The following KHDRBS2 variants were observed in gnomAD, a reference collection of about 807,000 sequenced individuals.
KHDRBS2 encodes KH RNA binding domain containing, signal transduction associated 2, also known as KH domain-containing, RNA-binding, signal transduction-associated protein 2.
KHDRBS2 carries 26 observed loss-of-function variants against 44.3 expected under a neutral mutation model. That is an observed-to-expected ratio of 0.59 (90% confidence interval 0.43 to 0.81). The LOEUF (loss-of-function observed/expected upper bound fraction) is 0.81. KHDRBS2 is among the 40% of genes least tolerant of loss of function. KHDRBS2 has a pLI of 0.00. For synonymous variants in KHDRBS2, 194 were observed against 151.1 expected (o/e 1.28, Z -2.08); for missense variants, 476 against 433.1 (o/e 1.10, Z -0.88).
intron 3 of KHDRBS2, among the ~76,000 whole-genome samples, chr6:61,990,516 A>G (rs1775925972): frequency 6.6e-6 from 1 of 152,146 alleles, no homozygotes; most frequent in Non-Finnish European, 1.5e-5. Context: ...AAAACAAACA[A>G]GAGCTCATAC....
At chr6:62,119,018 C>G (rs1320072994) in intron 2 of KHDRBS2, among the ~76,000 whole-genome samples, 1 of 152,120 alleles carries the variant, frequency 6.6e-6, no homozygotes, top group African/African-American at 2.4e-5. Flanking sequence ...TGGTTTTGTA[C>G]CTCTAGAGAA....
chr6:61,753,371 G>C (rs1778021676), intron 6 of KHDRBS2, among the ~76,000 whole-genome samples: 1 of 152,126 alleles, frequency 6.6e-6, no homozygotes, highest in Non-Finnish European at 1.5e-5. Context: ...TAGGTCACAG[G>C]ACTTGACCGG....
chr6:61,612,463 C>G, the KHDRBS2 span, among the ~76,000 whole-genome samples: 1 of 152,192 alleles, frequency 6.6e-6, no homozygotes, highest in Non-Finnish European at 1.5e-5. Flanking sequence ...GTTATTTAAA[C>G]TCCTCATGTC....
intron 6 of KHDRBS2, among the ~76,000 whole-genome samples, chr6:61,757,485 T>C (rs1778662849): frequency 1.3e-5 from 2 of 152,178 alleles, no homozygotes; most frequent in Non-Finnish European, 2.9e-5. Context: ...AAATGTGTTT[T>C]TTGTAGGCTG....
At chr6:61,757,435 T>C (rs945073246) in intron 6 of KHDRBS2, among the ~76,000 whole-genome samples, 9 of 152,204 alleles carry the variant, frequency 5.9e-5, no homozygotes, top group Non-Finnish European at 1.2e-4. Flanking sequence ...GTATACTTTT[T>C]TGCATCCTTT....
chr6:61,590,185 G>A, the KHDRBS2 span, among the ~76,000 whole-genome samples: 1 of 152,052 alleles, frequency 6.6e-6, no homozygotes, highest in Non-Finnish European at 1.5e-5. Context: ...CTGGGATCTT[G>A]AAAAATAAGT....
intron 1 of KHDRBS2, among the ~76,000 whole-genome samples, chr6:62,231,230 A>G (rs1208023702): frequency 6.6e-6 from 1 of 152,182 alleles, no homozygotes; most frequent in Non-Finnish European, 1.5e-5. Context: ...ATAAAGAAAG[A>G]CCCAAGGCTG....
intron 2 of KHDRBS2, among the ~76,000 whole-genome samples, chr6:62,116,919 G>A (rs1373524226): frequency 6.6e-6 from 1 of 152,050 alleles, no homozygotes; most frequent in African/African-American, 2.4e-5. Context: ...CCAGTGATGG[G>A]ATTTCACTCT....
At chr6:61,819,338 A>C (rs1036495211) in intron 6 of KHDRBS2, among the ~76,000 whole-genome samples, 40 of 152,054 alleles carry the variant, frequency 2.6e-4, no homozygotes, top group African/African-American at 9.4e-4. Context: ...ATTTCTCAAA[A>C]TATTTTCAAA....
chr6:61,802,419 G>A (rs1786426610), intron 6 of KHDRBS2, among the ~76,000 whole-genome samples: 1 of 152,082 alleles, frequency 6.6e-6, no homozygotes, highest in African/African-American at 2.4e-5. Context: ...GAATCTTAAG[G>A]GCTTTTGCTC....
At chr6:62,216,221 A>G (rs1400235733) in intron 1 of KHDRBS2, among the ~76,000 whole-genome samples, 1 of 151,760 alleles carries the variant, frequency 6.6e-6, no homozygotes, top group Admixed American at 6.6e-5. Context: ...GCTTTCAAGG[A>G]TTAGAATCAC....
At chr6:61,557,469 G>A in the KHDRBS2 span, among the ~76,000 whole-genome samples, 2 of 152,114 alleles carry the variant, frequency 1.3e-5, no homozygotes, top group Non-Finnish European at 2.9e-5. Context: ...CATTGTGAAT[G>A]GTAGGACACT....
chr6:62,090,525 C>T (rs1261182258), intron 2 of KHDRBS2, among the ~76,000 whole-genome samples: 1 of 151,850 alleles, frequency 6.6e-6, no homozygotes, highest in Non-Finnish European at 1.5e-5. Flanking sequence ...CAATTCTCTA[C>T]CTCCCAATAA....
At chr6:62,108,502 C>G (rs1804100565) in intron 2 of KHDRBS2, among the ~76,000 whole-genome samples, 1 of 152,100 alleles carries the variant, frequency 6.6e-6, no homozygotes, top group African/African-American at 2.4e-5. Flanking sequence ...GTTGGTGGGA[C>G]TGTAAACTAG....
chr6:61,848,577 A>ATATATATATG (rs1794972806), intron 6 of KHDRBS2, among the ~76,000 whole-genome samples: 1 of 61,102 alleles, frequency 1.6e-5, no homozygotes, highest in African/African-American at 8.3e-5. Flanking sequence ...ATATATATAC[A>ATATATATATG]TATATATATA....
At chr6:61,584,736 C>T in the KHDRBS2 span, among the ~76,000 whole-genome samples, 1 of 151,830 alleles carries the variant, frequency 6.6e-6, no homozygotes, top group African/African-American at 2.4e-5. Context: ...ATAATACCTC[C>T]TCTAGGCTTA....
intron 2 of KHDRBS2, among the ~76,000 whole-genome samples, chr6:62,129,157 T>C (rs1251208879): frequency 6.6e-6 from 1 of 152,124 alleles, no homozygotes; most frequent in East Asian, 1.9e-4. Context: ...TTTCTATATT[T>C]TATGGATTAA....
intron 2 of KHDRBS2, among the ~76,000 whole-genome samples, chr6:62,107,749 T>C (rs1035840092): frequency 1.1e-4 from 16 of 152,080 alleles, no homozygotes; most frequent in Non-Finnish European, 1.5e-5. Flanking sequence ...AACAGAGATA[T>C]AAATCAAGGG....
intron 6 of KHDRBS2, among the ~76,000 whole-genome samples, chr6:61,892,304 A>G (rs1312119182): frequency 6.6e-6 from 1 of 152,214 alleles, no homozygotes; most frequent in Non-Finnish European, 1.5e-5. Flanking sequence ...AAGACTCAAT[A>G]TCATGAAAAT....
Sources: allele counts gnomAD v4.1 joint callset (sites outside exome capture counted in the v4.1 genomes callset), GRCh38; gene constraint gnomAD v4.1.1; transcripts MANE v1.5; gene names NCBI Gene and HGNC (gene_info 2026-07-23, HGNC 2026-07-21).